The following WSCD1 variants were observed in gnomAD, a reference collection of about 807,000 sequenced individuals.
WSCD1 encodes WSC domain sialate O sulfotransferase 1, also known as sialate:O-sulfotransferase 1.
A neutral mutation model predicts 60.4 loss-of-function variants in WSCD1; 41 were observed. The ratio of observed to expected loss-of-function variants is 0.68; its 90% CI spans 0.53 to 0.88. The LOEUF (loss-of-function observed/expected upper bound fraction) is 0.88, where lower values mean the gene tolerates loss of function less well. Ranked by LOEUF, WSCD1 falls within the 40% of genes least tolerant of loss-of-function variation. The pLI is 0.00. For synonymous variants in WSCD1, 361 were observed against 332.5 expected (o/e 1.09, Z -0.93); for missense variants, 784 against 796.2 (o/e 0.98, Z 0.18).
rs1910820325 is a variant in WSCD1, at chr17:6,101,872, T to A, written c.849+6649T>A. ...TTGTCGCCTGATATTTGTGCTCAAGTAGATAGGCCATTTGTGGGGGTGCTC... is the reference window on the plus strand; with the variant it reads ...TTGTCGCCTGATATTTGTGCTCAAGAAGATAGGCCATTTGTGGGGGTGCTC... On this transcript the variant is annotated intron_variant, in intron 5 of 8. Transcript: ENST00000317744. The surrounding 1 kb of genome is among the most constrained non-coding windows in gnomAD (Gnocchi z 4.1). Among the ~76,000 whole-genome samples the A allele has an allele frequency of 1.3e-5, 2 of 152,184 alleles. No homozygotes were observed. The highest frequency in any genetic ancestry group is 1.3e-4 in the Admixed American group (2 of 15,274).
chr17:6,081,014 A>G lies in WSCD1; in HGVS notation c.356A>G (p.His119Arg). The stretch of plus-strand genomic sequence containing the variant: ...CAGTTGCGTCGCCGCTGGTTCCACC[A>G]CTTCATGAGTGACTCCCAGGGACCG... The part of the protein sequence containing the change: ...LRQLRRRWFH[H>R]FMSDSQGPPA... Residue 119 changes from histidine to arginine, a missense_variant, in exon 2 of 9, where the codon CAC becomes CGC. Physicochemically the swap from His to Arg is conservative, Grantham distance 29 (BLOSUM62 0). Coordinates refer to ENST00000317744, the MANE Select transcript of WSCD1 (RefSeq NM_015253.2). 1.3e-6 allele frequency: 2 copies of G among 1,544,290 alleles called. No individual in the cohort carries two copies. The highest frequency in any genetic ancestry group is 1.7e-6 in the Non-Finnish European group (2 of 1,146,482).
Position 6,094,623 on chromosome 17 carries a change from A to T in WSCD1, c.728-479A>T, listed in dbSNP as rs181288933. Reference sequence around the variant, plus strand: ...AGGAAGGAAGGAGAAGGAAGGAAGGAAGGTAGGCAGGCCGGCAGGAAGGCT... The same window carrying T: ...AGGAAGGAAGGAGAAGGAAGGAAGGTAGGTAGGCAGGCCGGCAGGAAGGCT... On this transcript the variant is annotated intron_variant, in intron 4 of 8. Transcript: ENST00000317744. 1.9e-3 allele frequency among the ~76,000 whole-genome samples: 287 copies of T among 148,984 alleles called. 1 individual carries two copies. Among genetic ancestry groups the T allele is most frequent in the Middle Eastern group, 0.01 (3 of 288 alleles).
chr17:6,085,882 G>C (rs753832316), intron 2 of WSCD1, among the ~76,000 whole-genome samples: 4 of 152,196 alleles, frequency 2.6e-5, no homozygotes, highest in Non-Finnish European at 5.9e-5. Flanking sequence ...GTCCGTGCTG[G>C]TGGCGGTGGA....
In WSCD1 at chr17:6,088,102, G is replaced by A; in HGVS notation, c.540G>A (p.Glu180=). The A allele has an allele frequency of 6.2e-7, 1 of 1,613,992 alleles. No homozygotes were observed. Among genetic ancestry groups the A allele is most frequent in the Non-Finnish European group, 8.5e-7 (1 of 1,179,886 alleles). ...TVSHCQDACA[E]RSYVYAGLEA... ...CCCACTGCCAGGATGCGTGTGCTGA[G>A]CGGTGAGTGCTGGGGCCCTGGACTG... Residue 180 remains glutamate, a splice_region_variant and synonymous_variant, in exon 3 of 9, where the codon GAG becomes GAA. Transcript: ENST00000317744.
At position 6,080,410 on chromosome 17, in the gene WSCD1, A is replaced by G; in HGVS notation, c.-249A>G. The stretch of plus-strand genomic sequence containing the variant: ...AGATGAGGGGCGGTAGAGCCCTGGA[A>G]TGGAGATGTCCTTGACGCCTGGGCA... On this transcript the variant is annotated 5_prime_UTR_variant, in exon 2 of 9. It removes an upstream start codon present in the reference 5' UTR. Transcript: ENST00000317744. The surrounding 1 kb of genome is among the most constrained non-coding windows in gnomAD (Gnocchi z 6.6). 1 of 514,916 alleles carries G rather than the reference A, an allele frequency of 1.9e-6. No homozygotes were observed. Among genetic ancestry groups the G allele is most frequent in the Middle Eastern group, 5.1e-4 (1 of 1,954 alleles). 31.9% of individuals were successfully genotyped at this position (514,916 alleles called of 1,614,324 possible). A position where few individuals can be genotyped will look rare whatever the true frequency, so the allele number is the denominator to read the frequency against.
chr17:6,114,428 T>G (rs1227403713), intron 7 of WSCD1, among the ~76,000 whole-genome samples: 2 of 151,996 alleles, frequency 1.3e-5, no homozygotes, highest in Non-Finnish European at 2.9e-5. Context: ...GTCCTAGTGT[T>G]TTATAGCACT....
At chr17:6,069,427 GT>G (rs1567546293), upstream of WSCD1, 1,607 of 130,090 alleles carry the variant, frequency 0.012, 30 homozygotes, top group African/African-American at 0.069. Context: ...GTGTGTGTGT[GT>G]GAGAGAGAGA....
At chr17:6,090,590 T>C (rs1291667932) in intron 4 of WSCD1, 85 bp downstream of exon 4, 2 of 1,522,446 alleles carry the variant, frequency 1.3e-6, no homozygotes, top group African/African-American at 2.8e-5. Context: ...TCAATGAAAC[T>C]ACCTGGGGCA....
chr17:6,086,969 C>T lies in WSCD1; in HGVS notation c.428-1021C>T, dbSNP rs116087079. Reference sequence around the variant, plus strand: ...CCTAATTTCTCTGGAGGCAGTGGTGCGCTCCCCAGGTGACATGAATGAGCG... The same window carrying T: ...CCTAATTTCTCTGGAGGCAGTGGTGTGCTCCCCAGGTGACATGAATGAGCG... On this transcript the variant is annotated intron_variant, in intron 2 of 8. Transcript: ENST00000317744. 2.5e-3 allele frequency among the ~76,000 whole-genome samples: 380 copies of T among 152,300 alleles called. 1 individual carries two copies. Among genetic ancestry groups the T allele is most frequent in the African/African-American group, 8.9e-3 (369 of 41,556 alleles).
At chr17:6,074,042 T>C (rs1908700793) in intron 1 of WSCD1, among the ~76,000 whole-genome samples, 1 of 152,256 alleles carries the variant, frequency 6.6e-6, no homozygotes, top group Non-Finnish European at 1.5e-5. Context: ...CACTTGACAG[T>C]TGGTGAAAGT....
chr17:6,071,843 C>T (rs1317056720), intron 1 of WSCD1, among the ~76,000 whole-genome samples: 1 of 152,188 alleles, frequency 6.6e-6, no homozygotes, highest in East Asian at 1.9e-4. Context: ...CTCTCTCAAT[C>T]ATGCCCCCAC....
chr17:6,107,555 GC>G (rs955110270), intron 5 of WSCD1, among the ~76,000 whole-genome samples: 44 of 152,062 alleles, frequency 2.9e-4, no homozygotes, highest in African/African-American at 1.1e-3. Context: ...CCATTCTAAG[GC>G]CCTGGGGTTA....
At chr17:6,069,418 TGTGTGTGTGTGAGAGA>T (rs1426301844), upstream of WSCD1, 176 of 328,526 alleles carry the variant, frequency 5.4e-4, no homozygotes, top group African/African-American at 4.9e-3. Flanking sequence ...TGTGTGTGTG[TGTGTGTGTGTGAGAGA>T]GAGAGAGAGA....
intron 2 of WSCD1, among the ~76,000 whole-genome samples, chr17:6,083,257 A>G (rs868413212): frequency 6.6e-6 from 1 of 152,218 alleles, no homozygotes; most frequent in African/African-American, 2.4e-5. Context: ...CTTATTGGGC[A>G]TGTGACCTTG....
chr17:6,080,917 A>G lies in WSCD1; in HGVS notation c.259A>G (p.Met87Val). 1 of 1,594,058 alleles carries G rather than the reference A, an allele frequency of 6.3e-7. No individual in the cohort carries two copies. The highest frequency in any genetic ancestry group is 1.7e-5 in the Admixed American group (1 of 58,086). The change falls in exon 2 of 9, where the codon ATG becomes GTG. Residue 87 changes from methionine to valine, a missense_variant. Met to Val is a conservative substitution (Grantham distance 21, BLOSUM62 1). Transcript: ENST00000317744. The surrounding 1 kb of genome is among the most constrained non-coding windows in gnomAD (Gnocchi z 6.6). ...VSPELLLGVD[M>V]LQSPLTRPRP... Reference sequence around the variant, plus strand: ...CCCAGAGCTGCTGCTGGGTGTGGACATGCTGCAGAGCCCCCTGACCCGGCC... The same window carrying G: ...CCCAGAGCTGCTGCTGGGTGTGGACGTGCTGCAGAGCCCCCTGACCCGGCC...
chr17:6,096,723 C>T (rs755646263), intron 5 of WSCD1, among the ~76,000 whole-genome samples: 26 of 152,230 alleles, frequency 1.7e-4, no homozygotes, highest in Non-Finnish European at 3.1e-4. Flanking sequence ...CAAGGATGCG[C>T]GCTCAGCTGC....
chr17:6,083,615 C>G (rs1909423919), intron 2 of WSCD1, among the ~76,000 whole-genome samples: 1 of 152,078 alleles, frequency 6.6e-6, no homozygotes, highest in Middle Eastern at 3.2e-3. Context: ...CCTGTCTCTA[C>G]TAAAAATACA....
chr17:6,109,972 C>A (rs1911317316), intron 6 of WSCD1, among the ~76,000 whole-genome samples: 1 of 152,138 alleles, frequency 6.6e-6, no homozygotes, highest in South Asian at 2.1e-4. Context: ...CCTGGACTCA[C>A]TTTAAAAAAC....
rs1422484670 is a variant in WSCD1, at chr17:6,124,005, G to C, written c.*3344G>C. On this transcript the variant is annotated 3_prime_UTR_variant, in exon 9 of 9. Coordinates refer to ENST00000317744, the MANE Select transcript of WSCD1 (RefSeq NM_015253.2). Reference sequence around the variant, plus strand: ...TCCCAGCAACCCCCCATTTCTGTTTGGGAATTCATATGATCTGCCAGAGCC... The same window carrying C: ...TCCCAGCAACCCCCCATTTCTGTTTCGGAATTCATATGATCTGCCAGAGCC... The C allele has an allele frequency of 2.0e-5, 3 of 152,134 alleles. No homozygotes were observed. Among genetic ancestry groups the C allele is most frequent in the Non-Finnish European group, 4.4e-5 (3 of 68,030 alleles). 9.4% of individuals were successfully genotyped at this position (152,134 alleles called of 1,614,324 possible). A position where few individuals can be genotyped will look rare whatever the true frequency, so the allele number is the denominator to read the frequency against.
Sources: allele counts gnomAD v4.1 joint callset (sites outside exome capture counted in the v4.1 genomes callset), GRCh38; gene constraint gnomAD v4.1.1; non-coding constraint Gnocchi (gnomAD v3.1); transcripts MANE v1.5; gene names NCBI Gene and HGNC (gene_info 2026-07-23, HGNC 2026-07-21).